CSMD1: variants seen among roughly 807,000 people sequenced by gnomAD.
CSMD1 encodes the protein CUB and sushi domain-containing protein 1.
Under a neutral mutation model 417.5 loss-of-function variants are expected in CSMD1, and 213 were observed. The ratio of observed to expected loss-of-function variants is 0.51; its 90% CI spans 0.46 to 0.57. The LOEUF (loss-of-function observed/expected upper bound fraction) is 0.57, where lower values mean the gene tolerates loss of function less well. CSMD1 is among the 20% of genes least tolerant of loss of function. The pLI is 0.00. For synonymous variants in CSMD1, 2,862 were observed against 1,736.8 expected (o/e 1.65, Z -16.11); for missense variants, 6,923 against 4,529.7 (o/e 1.53, Z -15.17).
chr8:3,663,505 T>A (rs774884294), intron 7 of CSMD1, among the ~76,000 whole-genome samples: 1 of 152,020 alleles, frequency 6.6e-6, no homozygotes, highest in Non-Finnish European at 1.5e-5. Context: ...GGCCCCAAAA[T>A]CACTGAGCTA....
chr8:4,213,682 G>GC (rs1410088075), intron 3 of CSMD1, among the ~76,000 whole-genome samples: 3 of 152,218 alleles, frequency 2.0e-5, no homozygotes, highest in Non-Finnish European at 4.4e-5. Flanking sequence ...GCAGCCATGG[G>GC]CCCTCCCTGG....
chr8:3,387,727 G>C (rs963147211), intron 17 of CSMD1, 45 bp from the exon 18 acceptor site: 4 of 1,498,344 alleles, frequency 2.7e-6, no homozygotes, highest in East Asian at 4.9e-5. Flanking sequence ...CTTTCTGGTT[G>C]ATTGAAAATA....
At chr8:4,329,341 T>G (rs574977477) in intron 3 of CSMD1, among the ~76,000 whole-genome samples, 2 of 152,100 alleles carry the variant, frequency 1.3e-5, no homozygotes, top group Admixed American at 6.5e-5. Flanking sequence ...CAGGCTGGAG[T>G]GCAGTGATGC....
At chr8:3,784,584 A>G (rs1799345721) in intron 5 of CSMD1, among the ~76,000 whole-genome samples, 1 of 152,238 alleles carries the variant, frequency 6.6e-6, no homozygotes, top group African/African-American at 2.4e-5. Flanking sequence ...TAATTTATTA[A>G]GATGCTTCAA....
intron 1 of CSMD1, among the ~76,000 whole-genome samples, chr8:4,866,681 G>T (rs988199343): frequency 1.3e-5 from 2 of 151,656 alleles, no homozygotes; most frequent in Non-Finnish European, 2.9e-5. Flanking sequence ...GATTTACAAT[G>T]AAATAAATAA....
intron 12 of CSMD1, among the ~76,000 whole-genome samples, chr8:3,462,034 G>A (rs921820772): frequency 6.6e-6 from 1 of 152,120 alleles, no homozygotes; most frequent in Non-Finnish European, 1.5e-5. Flanking sequence ...TAGAGAAGCT[G>A]TTTCCAGATG....
At chr8:4,278,749 T>C (rs1025623718) in intron 3 of CSMD1, among the ~76,000 whole-genome samples, 1 of 152,208 alleles carries the variant, frequency 6.6e-6, no homozygotes, top group Admixed American at 6.5e-5. Flanking sequence ...TTTGACTTGG[T>C]ATAAGATCTG....
intron 5 of CSMD1, among the ~76,000 whole-genome samples, chr8:3,777,587 G>A (rs996658932): frequency 3.3e-5 from 5 of 152,146 alleles, no homozygotes; most frequent in African/African-American, 7.2e-5. Flanking sequence ...GCTGCCATAC[G>A]GAAGCAGTCT....
At chr8:3,027,662 T>G (rs11993304) in intron 51 of CSMD1, among the ~76,000 whole-genome samples, 39,230 of 152,012 alleles carry the variant, frequency 0.26, 5,302 homozygotes, top group Middle Eastern at 0.28. Flanking sequence ...GAAAACAAAT[T>G]TGTGGCCCGA....
In CSMD1 at chr8:3,468,836, A is replaced by G. The variant is rs74924522; in HGVS notation, c.1449-12T>C. 2 of 1,558,902 alleles carry G rather than the reference A, an allele frequency of 1.3e-6. No individual in the cohort carries two copies. The highest frequency in any genetic ancestry group is 4.6e-5 in the East Asian group (2 of 43,264). ...TGGATCCCGTGAGCCTGCAAGAAAG[A>G]GAAATGTCAAAGCTTTTAGGTAAGG... is the stretch of plus-strand genomic sequence containing the variant. On this transcript the variant is annotated splice_polypyrimidine_tract_variant and intron_variant, in intron 11 of 69. Coordinates refer to ENST00000635120, the MANE Select transcript of CSMD1 (RefSeq NM_033225.6).
intron 10 of CSMD1, among the ~76,000 whole-genome samples, chr8:3,561,687 G>A (rs531130743): frequency 6.6e-6 from 1 of 152,190 alleles, no homozygotes; most frequent in Non-Finnish European, 1.5e-5. Context: ...TGATATTCAG[G>A]TGATGGGTGT....
chr8:3,373,344 C>T (rs148065957), intron 18 of CSMD1: 7 of 152,348 alleles, frequency 4.6e-5, no homozygotes, highest in African/African-American at 1.7e-4. Flanking sequence ...ATGCTGCCAT[C>T]AGGAGAAAGT....
chr8:3,554,577 C>T (rs962269859), intron 10 of CSMD1, among the ~76,000 whole-genome samples: 1 of 152,184 alleles, frequency 6.6e-6, no homozygotes, highest in Non-Finnish European at 1.5e-5. Context: ...GAAGCTACAG[C>T]CCCTCTAACA....
intron 55 of CSMD1, among the ~76,000 whole-genome samples, chr8:2,977,211 C>G (rs1805001357): frequency 6.6e-6 from 1 of 152,156 alleles, no homozygotes; most frequent in Admixed American, 6.5e-5. Flanking sequence ...AATCCATCAC[C>G]TAGGTACCAA....
At chr8:3,436,180 C>G (rs1410182023) in intron 12 of CSMD1, among the ~76,000 whole-genome samples, 2 of 152,058 alleles carry the variant, frequency 1.3e-5, no homozygotes, top group Non-Finnish European at 2.9e-5. Context: ...AACATCAAGG[C>G]TAAGATACCA....
chr8:4,977,555 G>C (rs140053444), intron 1 of CSMD1, among the ~76,000 whole-genome samples: 427 of 152,308 alleles, frequency 2.8e-3, no homozygotes, highest in Non-Finnish European at 5.0e-3. Flanking sequence ...ACAGCGCACA[G>C]TGGCTGGCTC....
intron 51 of CSMD1, among the ~76,000 whole-genome samples, chr8:3,025,875 T>C (rs974565762): frequency 6.6e-6 from 1 of 152,222 alleles, no homozygotes; most frequent in Non-Finnish European, 1.5e-5. Context: ...GTATCCGTTT[T>C]AGTGTAAATA....
Position 4,521,674 on chromosome 8 carries a change from A to G in CSMD1, c.303-101609T>C, listed in dbSNP as rs575168335. Among the ~76,000 whole-genome samples, 8 of 152,310 alleles carry G rather than the reference A, an allele frequency of 5.3e-5. No individual in the cohort carries two copies. In the South Asian group the frequency reaches 1.7e-3, roughly 32 times the overall value. ...GGCCCTCAGGTCCTATTGCGAAGAA[A>G]AGTTGCCTATTTTATTGCCCTCCTC... On this transcript the variant is annotated intron_variant, in intron 2 of 69. Coordinates refer to ENST00000635120, the MANE Select transcript of CSMD1 (RefSeq NM_033225.6).
Position 4,994,374 on chromosome 8 carries a change from C to G in CSMD1, c.43G>C (p.Gly15Arg), listed in dbSNP as rs1480645508. 7 of 1,612,096 alleles carry G rather than the reference C, an allele frequency of 4.3e-6. No homozygotes were observed. The highest frequency in any genetic ancestry group is 1.1e-5 in the South Asian group (1 of 91,084). Reference protein sequence around the residue: ...RRFQSLLLLLGLLVLCARLLT... With the variant: ...RRFQSLLLLLRLLVLCARLLT... ...AGCCTCGCGCACAGCACCAGCAGCCCGAGAAGCAGGAGCAGCGACTGGAAT... is the reference window on the plus strand; with the variant it reads ...AGCCTCGCGCACAGCACCAGCAGCCGGAGAAGCAGGAGCAGCGACTGGAAT... The change falls in exon 1 of 70, where the codon GGG becomes CGG. Residue 15 changes from glycine (G) to arginine (R), a missense_variant. Coordinates refer to ENST00000635120, the MANE Select transcript of CSMD1 (RefSeq NM_033225.6).
Sources: gnomAD v4.1 joint callset for allele counts (sites outside exome capture counted in the v4.1 genomes callset) on GRCh38, gnomAD v4.1.1 for gene constraint, MANE v1.5 for transcripts, NCBI Gene and HGNC (gene_info 2026-07-23, HGNC 2026-07-21) for gene names.